The following ZMAT5 variants were observed in gnomAD, a reference collection of about 807,000 sequenced individuals.
ZMAT5 encodes the protein zinc finger matrin-type 5.
ZMAT5 carries 23 observed loss-of-function variants against 28.0 expected under a neutral mutation model. The ratio of observed to expected loss-of-function variants is 0.82; its 90% CI spans 0.59 to 1.16. ZMAT5 has a LOEUF of 1.16. ZMAT5 is among the 50% of genes most tolerant of loss of function. ZMAT5 has a pLI of 0.00. For missense variants in ZMAT5, 173 were observed against 212.7 expected (o/e 0.81, Z 1.16); for synonymous variants, 76 against 84.1 (o/e 0.90, Z 0.52).
At chr22:29,751,408 T>C (rs2068054428) in intron 1 of ZMAT5, among the ~76,000 whole-genome samples, 1 of 152,248 alleles carries the variant, frequency 6.6e-6, no homozygotes, top group Non-Finnish European at 1.5e-5. Context: ...ATGATGCTGA[T>C]AATACCTGGC....
intron 1 of ZMAT5, among the ~76,000 whole-genome samples, chr22:29,751,138 C>T (rs945845211): frequency 6.6e-6 from 1 of 151,768 alleles, no homozygotes; most frequent in African/African-American, 2.4e-5. Flanking sequence ...AAGCTTGAAG[C>T]TCCCAGAAGC....
intron 1 of ZMAT5, among the ~76,000 whole-genome samples, chr22:29,761,249 G>T (rs1365238009): frequency 4.8e-5 from 6 of 124,298 alleles, no homozygotes; most frequent in African/African-American, 1.9e-4. Flanking sequence ...CTCTAGCCTG[G>T]TGAGAGTGAA....
At chr22:29,756,035 A>G (rs890938694) in intron 1 of ZMAT5, among the ~76,000 whole-genome samples, 1 of 152,280 alleles carries the variant, frequency 6.6e-6, no homozygotes, top group African/African-American at 2.4e-5. Flanking sequence ...AGGTACAGAA[A>G]GAGCTGGCTT....
chr22:29,755,332 A>AGG (rs2068089388), intron 1 of ZMAT5, among the ~76,000 whole-genome samples: 2 of 42,908 alleles, frequency 4.7e-5, no homozygotes, highest in African/African-American at 1.2e-4. Flanking sequence ...GAAAGGAGAG[A>AGG]GAGAGAGAGG....
chr22:29,751,809 A>G lies in ZMAT5; in HGVS notation c.-27-3238T>C, dbSNP rs184717093. ...GAGTGAAACCCCATCTGTACAAAAA[A>G]TGCAAAAATCAGCTGAGTGTGGTGG... is the stretch of plus-strand genomic sequence containing the variant. On this transcript the variant is annotated intron_variant, in intron 1 of 5. Coordinates refer to ENST00000344318, the MANE Select transcript of ZMAT5 (RefSeq NM_001003692.2). 7.7e-3 allele frequency among the ~76,000 whole-genome samples: 1,167 copies of G among 152,308 alleles called. 6 individuals carry two copies. The highest frequency in any genetic ancestry group is 0.024 in the Middle Eastern group (7 of 294).
chr22:29,762,555 C>T (rs1325979898), intron 1 of ZMAT5, among the ~76,000 whole-genome samples: 4 of 152,196 alleles, frequency 2.6e-5, no homozygotes, highest in Non-Finnish European at 4.4e-5. Context: ...ACTGCGCATG[C>T]GAGGGATCTA....
At position 29,755,393 on chromosome 22, in the gene ZMAT5, A is replaced by AAAAGAAAAG. The variant is rs1351132325; in HGVS notation, c.-27-6831_-27-6823dup. ...GGAGAGAGAGAGAGAGAAAGAAAGA[A>AAAAGAAAAG]AAAGAAAAGAAAGAAAAGAAAGGAA... On this transcript the variant is annotated intron_variant, in intron 1 of 5. Coordinates refer to ENST00000344318, the MANE Select transcript of ZMAT5 (RefSeq NM_001003692.2). Among the ~76,000 whole-genome samples, 974 of 142,594 alleles carry AAAAGAAAAG rather than the reference A, an allele frequency of 6.8e-3. 11 individuals are homozygous for AAAAGAAAAG. Among genetic ancestry groups the AAAAGAAAAG allele is most frequent in the African/African-American group, 0.024 (924 of 38,334 alleles). The allele number at this position is 142,594 out of a possible 152,430, so 93.5% of individuals were successfully genotyped here.
intron 2 of ZMAT5, 75 bp from the exon 3 acceptor site, chr22:29,742,555 G>A: frequency 7.2e-7 from 1 of 1,392,226 alleles, no homozygotes; most frequent in South Asian, 1.2e-5. Flanking sequence ...AAGCCACAGG[G>A]GCATATGGAC....
At chr22:29,743,629 G>A (rs1245731863) in intron 2 of ZMAT5, among the ~76,000 whole-genome samples, 1 of 151,406 alleles carries the variant, frequency 6.6e-6, no homozygotes, top group African/African-American at 2.4e-5. Flanking sequence ...ATGGGGTTTC[G>A]CCATGTTACC....
At chr22:29,745,326 ATGCAG>A in intron 2 of ZMAT5, among the ~76,000 whole-genome samples, 1 of 152,292 alleles carries the variant, frequency 6.6e-6, no homozygotes, top group East Asian at 1.9e-4. Flanking sequence ...TGCCCAGCAG[ATGCAG>A]TGGCCAGGGT....
At chr22:29,738,541 G>GTTGTAGGCCCTGAGCAACTGGTAGGC (rs2067929991) in intron 4 of ZMAT5, 100 bp from the exon 5 acceptor site, 17 of 1,075,130 alleles carry the variant, frequency 1.6e-5, no homozygotes, top group Non-Finnish European at 2.3e-5. Context: ...CCCTGAGCAA[G>GTTGTAGGCCCTGAGCAACTGGTAGGC]CCTGGGAAGT....
At chr22:29,761,739 C>A (rs184621258) in intron 1 of ZMAT5, among the ~76,000 whole-genome samples, 102 of 151,974 alleles carry the variant, frequency 6.7e-4, no homozygotes, top group South Asian at 2.7e-3. Context: ...CATTGTGATT[C>A]CTATTTAAAA....
chr22:29,735,101 C>G (rs895328988), intron 5 of ZMAT5, among the ~76,000 whole-genome samples: 1 of 152,118 alleles, frequency 6.6e-6, no homozygotes, highest in Non-Finnish European at 1.5e-5. Flanking sequence ...GAATCCACCC[C>G]CTCCCATTAA....
chr22:29,765,759 T>A (rs1412423005), intron 1 of ZMAT5, among the ~76,000 whole-genome samples: 1 of 151,390 alleles, frequency 6.6e-6, no homozygotes, highest in Non-Finnish European at 1.5e-5. Flanking sequence ...TCCCAGCCAC[T>A]CGGGAGGCTG....
intron 3 of ZMAT5, among the ~76,000 whole-genome samples, chr22:29,741,006 C>T (rs1291584416): frequency 6.6e-6 from 1 of 152,206 alleles, no homozygotes; most frequent in Non-Finnish European, 1.5e-5. Context: ...GACTGGGCCT[C>T]GCAAGCCTCT....
intron 2 of ZMAT5, chr22:29,746,198 G>C (rs1041945687): frequency 6.6e-6 from 1 of 152,088 alleles, no homozygotes; most frequent in African/African-American, 2.4e-5. Flanking sequence ...GCCCAGGCTG[G>C]AGTACAGTGG....
intron 1 of ZMAT5, among the ~76,000 whole-genome samples, chr22:29,756,781 C>T (rs912919938): frequency 2.6e-5 from 4 of 151,986 alleles, no homozygotes; most frequent in South Asian, 2.1e-4. Flanking sequence ...GGCATGGTGG[C>T]GCACACCTTT....
intron 5 of ZMAT5, among the ~76,000 whole-genome samples, chr22:29,737,892 C>T (rs140114): frequency 0.57 from 80,228 of 141,152 alleles, 21,560 homozygotes; most frequent in East Asian, 0.67. Flanking sequence ...ACCAGGACCT[C>T]GTCATCACGC....
intron 1 of ZMAT5, among the ~76,000 whole-genome samples, chr22:29,756,934 G>A (rs1388325595): frequency 6.6e-6 from 1 of 152,132 alleles, no homozygotes. Flanking sequence ...AGCTAGTCGG[G>A]AGGCTGAGGC....
Sources: allele counts gnomAD v4.1 joint callset (sites outside exome capture counted in the v4.1 genomes callset), GRCh38; gene constraint gnomAD v4.1.1; transcripts MANE v1.5; gene names NCBI Gene and HGNC (gene_info 2026-07-23, HGNC 2026-07-21).